SLC44A5: variants seen among roughly 807,000 people sequenced by gnomAD.
SLC44A5 encodes the protein solute carrier family 44 member 5, also known as choline transporter-like protein 5.
Under a neutral mutation model 101.8 loss-of-function variants are expected in SLC44A5, and 57 were observed. The ratio of observed to expected loss-of-function variants is 0.56; its 90% confidence interval spans 0.45 to 0.70. SLC44A5 has a LOEUF of 0.70. Ranked by LOEUF, SLC44A5 falls within the 30% of genes least tolerant of loss-of-function variation. SLC44A5 has a pLI of 0.00. For synonymous variants in SLC44A5, 281 were observed against 290.9 expected (o/e 0.97, Z 0.35); for missense variants, 737 against 853.1 (o/e 0.86, Z 1.70).
At chr1:75,419,904 G>A in intron 2 of SLC44A5, among the ~76,000 whole-genome samples, 1 of 152,144 alleles carries the variant, frequency 6.6e-6, no homozygotes, top group Non-Finnish European at 1.5e-5. Context: ...TTAAAGACGT[G>A]TCTGCTGTGA....
chr1:75,369,568 A>G (rs1481734892), intron 3 of SLC44A5, among the ~76,000 whole-genome samples: 1 of 152,202 alleles, frequency 6.6e-6, no homozygotes, highest in Non-Finnish European at 1.5e-5. Context: ...TTTCATTTTG[A>G]TAGAGTATTA....
At chr1:75,544,038 G>C (rs1671508358) in intron 1 of SLC44A5, among the ~76,000 whole-genome samples, 1 of 152,094 alleles carries the variant, frequency 6.6e-6, no homozygotes, top group Non-Finnish European at 1.5e-5. Context: ...TGGTTTGAAA[G>C]TTTTCCCCTC....
the SLC44A5 span, among the ~76,000 whole-genome samples, chr1:75,659,568 T>C: frequency 1.6e-4 from 21 of 135,148 alleles, no homozygotes; most frequent in African/African-American, 6.1e-4. Context: ...CAAGGCAGAA[T>C]TGCTTGAGCC....
intron 2 of SLC44A5, among the ~76,000 whole-genome samples, chr1:75,531,946 T>C (rs1670744528): frequency 6.6e-6 from 1 of 152,192 alleles, no homozygotes; most frequent in Admixed American, 6.5e-5. Context: ...TTTCAGTAAT[T>C]TGAACGTGCT....
At chr1:75,455,825 T>A (rs1666156764) in intron 2 of SLC44A5, among the ~76,000 whole-genome samples, 3 of 152,060 alleles carry the variant, frequency 2.0e-5, no homozygotes, top group Non-Finnish European at 4.4e-5. Context: ...CTCATACCAG[T>A]CAGAATGGCT....
chr1:75,705,747 G>A, the SLC44A5 span, among the ~76,000 whole-genome samples: 6,710 of 152,050 alleles, frequency 0.044, 204 homozygotes, highest in African/African-American at 0.092. Context: ...GTGCAATCTC[G>A]GCTCACAGCA....
At chr1:75,370,640 G>A (rs976570655) in intron 3 of SLC44A5, among the ~76,000 whole-genome samples, 2 of 152,162 alleles carry the variant, frequency 1.3e-5, no homozygotes, top group African/African-American at 2.4e-5. Context: ...TATACTGGTT[G>A]TACTCAAAAC....
chr1:75,467,636 A>G (rs1666894662), intron 2 of SLC44A5, among the ~76,000 whole-genome samples: 1 of 152,214 alleles, frequency 6.6e-6, no homozygotes, highest in Admixed American at 6.5e-5. Flanking sequence ...TATATGCAGA[A>G]GAACGAAAGT....
intron 6 of SLC44A5, among the ~76,000 whole-genome samples, chr1:75,264,217 C>T (rs1650796932): frequency 6.6e-6 from 1 of 152,048 alleles, no homozygotes; most frequent in African/African-American, 2.4e-5. Context: ...GCTCAACAAC[C>T]CTTGTGTCTC....
intron 1 of SLC44A5, among the ~76,000 whole-genome samples, chr1:75,578,807 T>C (rs1323990155): frequency 6.6e-6 from 1 of 152,180 alleles, no homozygotes; most frequent in Non-Finnish European, 1.5e-5. Flanking sequence ...ACAAACAATA[T>C]GTGAGGTGAC....
chr1:75,583,621 C>G (rs1459594128), intron 1 of SLC44A5, among the ~76,000 whole-genome samples: 1 of 152,204 alleles, frequency 6.6e-6, no homozygotes, highest in Non-Finnish European at 1.5e-5. Flanking sequence ...CTATTATTAT[C>G]ACACTTTGCT....
chr1:75,417,027 G>C (rs1239012734), intron 2 of SLC44A5, among the ~76,000 whole-genome samples: 1 of 152,184 alleles, frequency 6.6e-6, no homozygotes, highest in East Asian at 1.9e-4. Flanking sequence ...TTGGGGAACT[G>C]TTGGGAGGGC....
the SLC44A5 span, among the ~76,000 whole-genome samples, chr1:75,647,481 C>T: frequency 1.3e-5 from 2 of 152,098 alleles, no homozygotes; most frequent in African/African-American, 4.8e-5. Context: ...AGAAGAAGGC[C>T]ACCACCCTCC....
chr1:75,441,565 T>C (rs1665203542), intron 2 of SLC44A5, among the ~76,000 whole-genome samples: 1 of 151,690 alleles, frequency 6.6e-6, no homozygotes, highest in East Asian at 1.9e-4. Flanking sequence ...ATAAACATAA[T>C]TGAATTAAAT....
the SLC44A5 span, among the ~76,000 whole-genome samples, chr1:75,620,634 A>G: frequency 6.6e-6 from 1 of 152,192 alleles, no homozygotes; most frequent in African/African-American, 2.4e-5. Flanking sequence ...TCTTCTTTCA[A>G]GAAGTGCCTG....
chr1:75,498,584 TAA>T (rs970420561), intron 2 of SLC44A5, among the ~76,000 whole-genome samples: 53 of 152,282 alleles, frequency 3.5e-4, no homozygotes, highest in African/African-American at 9.4e-4. Flanking sequence ...TTTTTTAACT[TAA>T]GTCTTCAAAA....
At chr1:75,509,127 T>C (rs988654227) in intron 2 of SLC44A5, among the ~76,000 whole-genome samples, 5 of 152,204 alleles carry the variant, frequency 3.3e-5, no homozygotes, top group Non-Finnish European at 2.9e-5. Context: ...CCACAGACCA[T>C]GCCCCACACC....
chr1:75,392,297 A>T (rs1472366414), intron 3 of SLC44A5, among the ~76,000 whole-genome samples: 1 of 152,226 alleles, frequency 6.6e-6, no homozygotes, highest in East Asian at 1.9e-4. Context: ...AATATCCAGA[A>T]TCTATAAGGA....
intron 6 of SLC44A5, among the ~76,000 whole-genome samples, chr1:75,258,118 A>G (rs1650169994): frequency 1.3e-5 from 2 of 152,078 alleles, no homozygotes; most frequent in Admixed American, 1.3e-4. Context: ...CTGGGTGGCC[A>G]TTTGGGCAGA....
Sources: gnomAD v4.1 joint callset for allele counts (sites outside exome capture counted in the v4.1 genomes callset) on GRCh38, gnomAD v4.1.1 for gene constraint, MANE v1.5 for transcripts, NCBI Gene and HGNC (gene_info 2026-07-23, HGNC 2026-07-21) for gene names.